SYT1: variants seen among roughly 807,000 people sequenced by gnomAD.
SYT1 encodes the protein synaptotagmin 1.
Under a neutral mutation model 44.8 loss-of-function variants are expected in SYT1, and 8 were observed. That is an observed-to-expected ratio of 0.18 (90% CI 0.10 to 0.32). The LOEUF (loss-of-function observed/expected upper bound fraction) is 0.32. Among genes scored for constraint, SYT1 ranks in the 10% least tolerant of loss-of-function variants. The pLI, the probability that SYT1 is intolerant of heterozygous loss-of-function variation, is 1.00. For synonymous variants in SYT1, 154 were observed against 188.8 expected (o/e 0.82, Z 1.51); for missense variants, 286 against 509.3 (o/e 0.56, Z 4.22).
chr12:79,163,442 A>C (rs1177586090), intron 3 of SYT1, among the ~76,000 whole-genome samples: 1 of 152,132 alleles, frequency 6.6e-6, no homozygotes, highest in Non-Finnish European at 1.5e-5. Flanking sequence ...TAGCTCATGC[A>C]TCCTAAGGGG....
chr12:79,446,209 A>T (rs1261469559), intron 10 of SYT1, among the ~76,000 whole-genome samples: 1 of 151,626 alleles, frequency 6.6e-6, no homozygotes, highest in Non-Finnish European at 1.5e-5. Context: ...AAGTGACATT[A>T]TGCATATAAA....
Position 79,449,447 on chromosome 12 carries a change from T to C in SYT1, c.*323T>C, listed in dbSNP as rs2136212963. ...ATTTCTAGTTTGTGTATTTGTATGT[T>C]GTAAGCGTTTCCTAATCTGTGTATA... On this transcript the variant is annotated 3_prime_UTR_variant, in exon 11 of 11. Transcript: ENST00000261205. 1 of 280,026 alleles carries C rather than the reference T, an allele frequency of 3.6e-6. No individual in the cohort carries two copies. The highest frequency in any genetic ancestry group is 2.2e-5 in the African/African-American group (1 of 45,330). 17.3% of individuals were successfully genotyped at this position (280,026 alleles called of 1,614,324 possible).
intron 8 of SYT1, among the ~76,000 whole-genome samples, chr12:79,313,509 T>C (rs1410458165): frequency 6.6e-6 from 1 of 151,896 alleles, no homozygotes; most frequent in Non-Finnish European, 1.5e-5. Flanking sequence ...TTGGTCCAAA[T>C]TGTGTAGGAT....
chr12:78,944,773 A>G (rs1459359873), intron 1 of SYT1, among the ~76,000 whole-genome samples: 1 of 152,168 alleles, frequency 6.6e-6, no homozygotes, highest in Non-Finnish European at 1.5e-5. Context: ...TTTTGGAGAA[A>G]CTAAAATTTT....
intron 1 of SYT1, among the ~76,000 whole-genome samples, chr12:78,938,629 C>T (rs1011316293): frequency 3.3e-5 from 5 of 152,092 alleles, no homozygotes; most frequent in Admixed American, 1.3e-4. Context: ...ATTACAGAAA[C>T]GAATAACTCA....
intron 8 of SYT1, among the ~76,000 whole-genome samples, chr12:79,332,469 T>C (rs1881898042): frequency 6.6e-6 from 1 of 152,202 alleles, no homozygotes; most frequent in South Asian, 2.1e-4. Context: ...CTTGACTTTC[T>C]CTGTAACTCT....
chr12:79,398,520 G>A (rs1884955211), intron 9 of SYT1, among the ~76,000 whole-genome samples: 1 of 152,100 alleles, frequency 6.6e-6, no homozygotes, highest in Non-Finnish European at 1.5e-5. Context: ...AATAGGTGCC[G>A]AATAAAGTAA....
intron 3 of SYT1, among the ~76,000 whole-genome samples, chr12:79,117,615 A>AGG (rs1039262786): frequency 7.1e-5 from 10 of 141,584 alleles, no homozygotes; most frequent in African/African-American, 2.6e-4. Context: ...CCTCTACCAC[A>AGG]GGACAGATCA....
At chr12:79,362,057 C>T (rs1883336193) in intron 9 of SYT1, among the ~76,000 whole-genome samples, 1 of 152,070 alleles carries the variant, frequency 6.6e-6, no homozygotes, top group Non-Finnish European at 1.5e-5. Flanking sequence ...ACCAGGAAAA[C>T]ACATGTCAGC....
intron 8 of SYT1, among the ~76,000 whole-genome samples, 166 bp from the exon 9 acceptor site, chr12:79,353,336 T>A (rs552538269): frequency 1.3e-5 from 2 of 152,130 alleles, no homozygotes; most frequent in Non-Finnish European, 2.9e-5. Context: ...GTTATCACTC[T>A]TGATACCTTA....
chr12:79,031,084 T>TA (rs35777984), intron 2 of SYT1, among the ~76,000 whole-genome samples: 4 of 151,032 alleles, frequency 2.6e-5, no homozygotes, highest in African/African-American at 9.7e-5. Flanking sequence ...CACATAATTT[T>TA]AAAAAATGAT....
intron 1 of SYT1, among the ~76,000 whole-genome samples, chr12:78,969,722 C>T (rs1868332060): frequency 6.6e-6 from 1 of 152,054 alleles, no homozygotes; most frequent in African/African-American, 2.4e-5. Context: ...AAATAAAGGG[C>T]ATTATAAACG....
At chr12:79,395,052 T>C (rs189630643) in intron 9 of SYT1, among the ~76,000 whole-genome samples, 1 of 152,074 alleles carries the variant, frequency 6.6e-6, no homozygotes, top group African/African-American at 2.4e-5. Flanking sequence ...TGATACATAA[T>C]AAGCCTTAAA....
chr12:78,904,285 A>C (rs976804568), intron 1 of SYT1, among the ~76,000 whole-genome samples: 1 of 152,130 alleles, frequency 6.6e-6, no homozygotes, highest in Non-Finnish European at 1.5e-5. Flanking sequence ...TGATACTTCT[A>C]TATTAAGTTA....
chr12:78,895,723 A>G (rs1875324265), intron 1 of SYT1, among the ~76,000 whole-genome samples: 1 of 151,818 alleles, frequency 6.6e-6, no homozygotes, highest in South Asian at 2.1e-4. Context: ...AAGGACAATA[A>G]AAAGTGCAAA....
chr12:79,310,553 A>C (rs1326710054), intron 8 of SYT1, among the ~76,000 whole-genome samples: 17 of 152,174 alleles, frequency 1.1e-4, no homozygotes, highest in Non-Finnish European at 2.9e-5. Flanking sequence ...TCTGTGAAGA[A>C]AGTCATTGGT....
At chr12:79,342,790 G>A (rs1030196560) in intron 8 of SYT1, among the ~76,000 whole-genome samples, 1 of 152,210 alleles carries the variant, frequency 6.6e-6, no homozygotes, top group Non-Finnish European at 1.5e-5. Context: ...TTGAAATCGA[G>A]TGAACCAGAT....
intron 4 of SYT1, among the ~76,000 whole-genome samples, chr12:79,253,089 C>T (rs1877311383): frequency 6.6e-6 from 1 of 152,120 alleles, no homozygotes; most frequent in South Asian, 2.1e-4. Context: ...TTATATCTTA[C>T]TGTTAGTGCT....
chr12:79,168,580 C>T (rs61927316), intron 3 of SYT1, among the ~76,000 whole-genome samples: 12,242 of 152,008 alleles, frequency 0.081, 651 homozygotes, highest in African/African-American at 0.15. Flanking sequence ...ACTGGGAAGA[C>T]AAAGGACAGA....
Sources: gnomAD v4.1 joint callset for allele counts (sites outside exome capture counted in the v4.1 genomes callset) on GRCh38, gnomAD v4.1.1 for gene constraint, MANE v1.5 for transcripts, NCBI Gene and HGNC (gene_info 2026-07-23, HGNC 2026-07-21) for gene names.